Variants in MCCC1 observed in about 807,000 individuals in gnomAD.
MCCC1 encodes the protein methylcrotonyl-CoA carboxylase subunit 1.
A neutral mutation model predicts 83.8 loss-of-function variants in MCCC1; 64 were observed. The ratio of observed to expected loss-of-function variants is 0.76; its 90% CI spans 0.62 to 0.94. MCCC1 has a LOEUF of 0.94. Among genes scored for constraint, MCCC1 ranks in the 40% least tolerant of loss-of-function variants. The pLI, the probability that MCCC1 is intolerant of heterozygous loss-of-function variation, is 0.00. For missense variants in MCCC1, 807 were observed against 904.7 expected, an observed-to-expected ratio of 0.89 and a Z score of 1.39; for synonymous variants, 322 against 315.4, an observed-to-expected ratio of 1.02 and a Z score of -0.22.
intron 7 of MCCC1, among the ~76,000 whole-genome samples, chr3:183,065,969 T>C (rs769685999): frequency 7.9e-5 from 12 of 152,310 alleles, no homozygotes; most frequent in South Asian, 2.1e-4. Flanking sequence ...GGTTTAACAT[T>C]AATAGTACAG....
intron 1 of MCCC1, among the ~76,000 whole-genome samples, chr3:183,110,393 A>AT (rs57833543): frequency 0.01 from 1,297 of 129,568 alleles, 18 homozygotes; most frequent in African/African-American, 0.026. Context: ...TTTAGTCACA[A>AT]TTTTTTTTTT....
chr3:183,101,861 G>A (rs571902336), upstream of MCCC1, among the ~76,000 whole-genome samples: 10 of 152,092 alleles, frequency 6.6e-5, no homozygotes, highest in African/African-American at 2.2e-4. Context: ...CGAGCCCACC[G>A]GGAGGAACGA....
At chr3:183,041,782 T>C in intron 10 of MCCC1, 32 bp from the exon 11 acceptor site, 1 of 1,611,700 alleles carries the variant, frequency 6.2e-7, no homozygotes, top group East Asian at 2.2e-5. Flanking sequence ...TTATGAAATC[T>C]ACCGTATAGC....
chr3:183,053,895 TGAGATGG>T (rs1715199383), intron 8 of MCCC1, among the ~76,000 whole-genome samples: 1 of 149,514 alleles, frequency 6.7e-6, no homozygotes, highest in Non-Finnish European at 1.5e-5. Context: ...TTTTTTTTTT[TGAGATGG>T]AGTCTCACTC....
intron 3 of MCCC1, chr3:183,091,063 G>A (rs1718294453): frequency 2.2e-6 from 1 of 456,442 alleles, no homozygotes; most frequent in Admixed American, 2.4e-5. Context: ...GAGAATTGGA[G>A]GTTGGAATGA....
intron 1 of MCCC1, among the ~76,000 whole-genome samples, chr3:183,114,452 G>T (rs953910726): frequency 6.6e-6 from 1 of 152,078 alleles, no homozygotes; most frequent in Non-Finnish European, 1.5e-5. Flanking sequence ...GGTACAACAT[G>T]GGATCTGATG....
At chr3:183,043,256 C>T (rs377635703) in intron 10 of MCCC1, among the ~76,000 whole-genome samples, 1 of 152,254 alleles carries the variant, frequency 6.6e-6, no homozygotes, top group Non-Finnish European at 1.5e-5. Flanking sequence ...CATTGCACTC[C>T]AGCCTGGGCA....
intron 1 of MCCC1, among the ~76,000 whole-genome samples, chr3:183,110,280 T>G (rs962105785): frequency 6.6e-6 from 1 of 152,192 alleles, no homozygotes; most frequent in African/African-American, 2.4e-5. Flanking sequence ...TTGGTTTTGT[T>G]GCCATTGCTT....
chr3:183,097,290 A>C (rs1272594470), intron 1 of MCCC1, among the ~76,000 whole-genome samples: 1 of 152,154 alleles, frequency 6.6e-6, no homozygotes, highest in East Asian at 1.9e-4. Flanking sequence ...AGGTAGCTCT[A>C]TACCAGCTTA....
chr3:183,026,785 G>A (rs908378751), intron 14 of MCCC1, among the ~76,000 whole-genome samples: 1 of 152,190 alleles, frequency 6.6e-6, no homozygotes, highest in African/African-American at 2.4e-5. Flanking sequence ...GATCACCTCT[G>A]TCATCTTGAC....
At chr3:183,050,705 CAAAAAAAAAA>C (rs746973567) in intron 9 of MCCC1, among the ~76,000 whole-genome samples, 450 of 43,656 alleles carry the variant, frequency 0.01, 4 homozygotes, top group African/African-American at 0.027. Context: ...GACTCTGTCT[CAAAAAAAAAA>C]AAAAAAAAAA....
chr3:183,081,027 A>G (rs1444581920), intron 4 of MCCC1, among the ~76,000 whole-genome samples: 2 of 152,264 alleles, frequency 1.3e-5, no homozygotes, highest in Admixed American at 1.3e-4. Context: ...GTGGGTATGG[A>G]CACAGCGAAA....
At chr3:183,084,806 T>C (rs1300557439) in intron 4 of MCCC1, among the ~76,000 whole-genome samples, 1 of 152,000 alleles carries the variant, frequency 6.6e-6, no homozygotes, top group African/African-American at 2.4e-5. Context: ...CCTGTAGCTC[T>C]AGCTACTTGG....
At chr3:183,053,730 A>G (rs1463842091) in intron 8 of MCCC1, among the ~76,000 whole-genome samples, 15 of 148,978 alleles carry the variant, frequency 1.0e-4, no homozygotes, top group African/African-American at 3.5e-4. Context: ...GCGTGAACCC[A>G]GGAGGCAGAG....
intron 8 of MCCC1, among the ~76,000 whole-genome samples, chr3:183,053,996 C>T (rs1715209105): frequency 6.9e-6 from 1 of 143,944 alleles, no homozygotes; most frequent in South Asian, 2.3e-4. Context: ...ATTTTCCTGT[C>T]TCAGCCTCCC....
At chr3:183,072,172 C>T (rs533985270) in intron 5 of MCCC1, among the ~76,000 whole-genome samples, 194 bp downstream of exon 5, 2 of 151,982 alleles carry the variant, frequency 1.3e-5, no homozygotes, top group East Asian at 3.9e-4. Context: ...CCAGGCCTGG[C>T]TGATTTAAAA....
intron 1 of MCCC1, among the ~76,000 whole-genome samples, chr3:183,112,556 A>C (rs1719516518): frequency 6.6e-6 from 1 of 152,234 alleles, no homozygotes; most frequent in Non-Finnish European, 1.5e-5. Context: ...GTAGAATTAT[A>C]TAATAAATCC....
chr3:183,061,598 A>T (rs1224878222), intron 7 of MCCC1, among the ~76,000 whole-genome samples: 1 of 152,168 alleles, frequency 6.6e-6, no homozygotes, highest in Non-Finnish European at 1.5e-5. Flanking sequence ...ATTTTTCAAA[A>T]TTCCCATGCA....
intron 14 of MCCC1, among the ~76,000 whole-genome samples, chr3:183,026,368 C>CCTT (rs1560208210): frequency 6.6e-6 from 1 of 152,044 alleles, no homozygotes; most frequent in Non-Finnish European, 1.5e-5. Context: ...TTAAGGTTGT[C>CCTT]GAATATTTTA....
Sources: gnomAD v4.1 joint callset for allele counts (sites outside exome capture counted in the v4.1 genomes callset) on GRCh38, gnomAD v4.1.1 for gene constraint, MANE v1.5 for transcripts, NCBI Gene and HGNC (gene_info 2026-07-23, HGNC 2026-07-21) for gene names.